ATP12A: variants seen among roughly 807,000 people sequenced by gnomAD.
ATP12A encodes potassium-transporting ATPase alpha chain 2.
A neutral mutation model predicts 111.2 loss-of-function variants in ATP12A; 81 were observed. That is an observed-to-expected ratio of 0.73 (90% CI 0.61 to 0.88). ATP12A has a LOEUF of 0.88. Ranked by LOEUF, ATP12A falls within the 40% of genes least tolerant of loss-of-function variation. The pLI is 0.00. For missense variants in ATP12A, 1,196 were observed against 1,313.1 expected (o/e 0.91, Z 1.38); for synonymous variants, 498 against 499.8 (o/e 1.00, Z 0.05).
chr13:24,690,638 C>G lies in ATP12A; in HGVS notation c.716C>G (p.Pro239Arg). Residue 239 changes from proline to arginine, a missense_variant, in exon 7 of 23, where the codon CCC (proline) becomes CGC (arginine). By Grantham distance (103) the Pro-to-Arg change is moderately radical. Coordinates refer to ENST00000381946, the MANE Select transcript of ATP12A (RefSeq NM_001676.7). The part of the protein sequence containing the change: ...DNSSLTGESE[P>R]QPRSSEFTHE... Reference sequence around the variant, plus strand: ...TCATCTCTCACGGGGGAGTCTGAGCCCCAGCCCCGCTCCTCTGAGTTTACC... The same window carrying G: ...TCATCTCTCACGGGGGAGTCTGAGCGCCAGCCCCGCTCCTCTGAGTTTACC... The G allele has an allele frequency of 6.2e-7, 1 of 1,613,494 alleles. No homozygotes were observed. The highest frequency in any genetic ancestry group is 1.3e-5 in the African/African-American group (1 of 74,946).
Position 24,681,688 on chromosome 13 carries a change from C to A in ATP12A, c.136C>A (p.His46Asn). ...NNCLELKKKNHKEEFQKELHL... is the reference protein window; with the variant it reads ...NNCLELKKKNNKEEFQKELHL... ...CTGCCTGGAACTCAAAAAGAAAAAT[C>A]ACAAAGAGGAGTTTCAGAAAGAACT... Residue 46 changes from histidine to asparagine, a missense_variant, in exon 2 of 23, where the codon CAC (histidine) becomes AAC (asparagine). By Grantham distance (68) the His-to-Asn change is moderately conservative. Coordinates refer to ENST00000381946, the MANE Select transcript of ATP12A (RefSeq NM_001676.7). 6.2e-7 allele frequency: 1 copy of A among 1,614,188 alleles called. No homozygotes were observed. The highest frequency in any genetic ancestry group is 8.5e-7 in the Non-Finnish European group (1 of 1,180,030).
intron 5 of ATP12A, 92 bp from the exon 6 acceptor site, chr13:24,690,246 G>T: frequency 6.5e-7 from 1 of 1,544,610 alleles, no homozygotes; most frequent in Non-Finnish European, 8.7e-7. Context: ...AAGTTCCAAG[G>T]CCTCTGTCCT....
intron 20 of ATP12A, 54 bp from the exon 21 acceptor site, chr13:24,710,738 A>G (rs890056568): frequency 6.2e-7 from 1 of 1,603,360 alleles, no homozygotes; most frequent in Non-Finnish European, 8.5e-7. Context: ...TGCTGGGTGT[A>G]TGATCATGAA....
chr13:24,688,176 G>A lies in ATP12A; in HGVS notation c.229-143G>A, dbSNP rs142146723. 395 of 837,592 alleles carry A rather than the reference G, an allele frequency of 4.7e-4. 1 individual carries two copies. The highest frequency in any genetic ancestry group is 5.9e-4 in the Non-Finnish European group (319 of 543,704). 51.9% of individuals were successfully genotyped at this position (837,592 alleles called of 1,614,324 possible). On this transcript the variant is annotated intron_variant, in intron 3 of 22. Coordinates refer to ENST00000381946, the MANE Select transcript of ATP12A (RefSeq NM_001676.7). ...CTGGGCAGCTGGAGAAGTGAGGCAC[G>A]GTCTGCTTTTCTCGGGACCTTCTTT...
Position 24,694,467 on chromosome 13 carries a change from A to C in ATP12A, c.1401A>C (p.Ser467=). The C allele has an allele frequency of 1.2e-6, 2 of 1,614,036 alleles. No homozygotes were observed. The highest frequency in any genetic ancestry group is 1.7e-6 in the Non-Finnish European group (2 of 1,179,978). The change falls in exon 11 of 23, where the codon TCA becomes TCC. Residue 467 remains serine (S), a synonymous_variant. Coordinates refer to ENST00000381946, the MANE Select transcript of ATP12A (RefSeq NM_001676.7). ...AGAAAGCTGTGATTGGAGATGCCTC[A>C]GAAACTGCTCTTTTAAAATTCTCAG... ...IMKKAVIGDA[S]ETALLKFSEV...
rs1875989096 is a variant in ATP12A at position 24,711,853 on chromosome 13, G to A, written c.*331G>A. 7.8e-6 allele frequency: 3 copies of A among 383,460 alleles called. No individual in the cohort carries two copies. Among genetic ancestry groups the A allele is most frequent in the Non-Finnish European group, 1.5e-5 (3 of 206,182 alleles). The allele number at this position is 383,460 out of a possible 1,614,324, so 23.8% of individuals were successfully genotyped here. A position where few individuals can be genotyped will look rare whatever the true frequency, so the allele number is the denominator to read the frequency against. Reference sequence around the variant, plus strand: ...CTTGTGTAACCCAGGCATCTACTGGGGCCTGCCTTAAGCTCTAGCTAGGAT... The same window carrying A: ...CTTGTGTAACCCAGGCATCTACTGGAGCCTGCCTTAAGCTCTAGCTAGGAT... On this transcript the variant is annotated 3_prime_UTR_variant, in exon 23 of 23. Transcript: ENST00000381946.
chr13:24,688,471 G>C lies in ATP12A; in HGVS notation c.381G>C (p.Trp127Cys). 2 of 1,613,578 alleles carry C rather than the reference G, an allele frequency of 1.2e-6. No individual in the cohort carries two copies. Among genetic ancestry groups the C allele is most frequent in the Non-Finnish European group, 1.7e-6 (2 of 1,179,762 alleles). ...ILLWVGAFLC[W>C]IAYGIQYSSD... ...TGTGGGTGGGCGCCTTTCTCTGTTG[G>C]ATTGCATATGGGATTCAGTACTCCA... Residue 127 changes from tryptophan (W) to cysteine (C), a missense_variant, in exon 4 of 23, where the codon TGG becomes TGC. Physicochemically the swap from Trp to Cys is radical, Grantham distance 215 (BLOSUM62 -2). This residue lies in a region of ATP12A where 1,126 missense variants were observed against 1,228.5 expected (regional missense o/e 0.92). Transcript: ENST00000381946.
In ATP12A at chr13:24,712,368, C is replaced by G. The variant is rs1876009842; in HGVS notation, c.*846C>G. ...GTGCTCTCCAGCAATAACGTTTTGTCAGTCATGTTTCATGTTTTAACTTAG... is the reference window on the plus strand; with the variant it reads ...GTGCTCTCCAGCAATAACGTTTTGTGAGTCATGTTTCATGTTTTAACTTAG... On this transcript the variant is annotated 3_prime_UTR_variant, in exon 23 of 23. Transcript: ENST00000381946. The G allele has an allele frequency of 6.6e-6, 1 of 152,162 alleles. No homozygotes were observed. Among genetic ancestry groups the G allele is most frequent in the South Asian group, 2.1e-4 (1 of 4,828 alleles). 9.4% of individuals were successfully genotyped at this position (152,162 alleles called of 1,614,324 possible). A position where few individuals can be genotyped will look rare whatever the true frequency, so the allele number is the denominator to read the frequency against.
chr13:24,700,307 C>T (rs1053071644), intron 12 of ATP12A, among the ~76,000 whole-genome samples: 3 of 152,156 alleles, frequency 2.0e-5, no homozygotes, highest in Non-Finnish European at 4.4e-5. Context: ...CCCACCTCCA[C>T]CCTCCCTTTT....
chr13:24,709,480 G>A lies in ATP12A; in HGVS notation c.2610G>A (p.Leu870=), dbSNP rs1265487856. ...VNQPLAVYSY[L]HIGLMQALGA... ...AGCCGCTCGCTGTGTACTCATACCT[G>A]CACATTGGTACGATGAGGGCGCGTC... Residue 870 remains leucine (L), a synonymous_variant, in exon 18 of 23, where the codon CTG becomes CTA. Coordinates refer to ENST00000381946, the MANE Select transcript of ATP12A (RefSeq NM_001676.7). The A allele has an allele frequency of 5.6e-6, 9 of 1,613,880 alleles. No homozygotes were observed. The highest frequency in any genetic ancestry group is 1.7e-5 in the Admixed American group (1 of 60,010).
intron 14 of ATP12A, among the ~76,000 whole-genome samples, chr13:24,705,231 T>C (rs1023610629): frequency 6.6e-6 from 1 of 152,190 alleles, no homozygotes; most frequent in Non-Finnish European, 1.5e-5. Flanking sequence ...GAGATGCCCA[T>C]TCCTGGTCAG....
intron 15 of ATP12A, among the ~76,000 whole-genome samples, 176 bp from the exon 16 acceptor site, chr13:24,706,847 C>A (rs558002352): frequency 6.6e-6 from 1 of 152,294 alleles, no homozygotes; most frequent in East Asian, 1.9e-4. Context: ...TGTTTGGAGA[C>A]CCTTGTTCCT....
intron 2 of ATP12A, 35 bp downstream of exon 2, chr13:24,681,755 A>G: frequency 6.2e-7 from 1 of 1,612,864 alleles, no homozygotes; most frequent in South Asian, 1.1e-5. Flanking sequence ...CCTGCCGGCT[A>G]TGGCCCTTCC....
At chr13:24,684,571 G>A (rs1874600451) in intron 2 of ATP12A, among the ~76,000 whole-genome samples, 1 of 151,988 alleles carries the variant, frequency 6.6e-6, no homozygotes, top group African/African-American at 2.4e-5. Context: ...GAGGAGAAGA[G>A]GATTCCCCCA....
In ATP12A at chr13:24,685,256, G is replaced by A; in HGVS notation, c.169-58G>A. ...AGCTTCCATGGCTGGTCAAAGCTTG[G>A]GGCTTGAGTCTTTTGGAATTATCTA... On this transcript the variant is annotated intron_variant, in intron 2 of 22. Coordinates refer to ENST00000381946, the MANE Select transcript of ATP12A (RefSeq NM_001676.7). This position sits in a 1 kb window ranked among gnomAD's most constrained non-coding sequence, Gnocchi z 5.5. 1 of 1,547,536 alleles carries A rather than the reference G, an allele frequency of 6.5e-7. No homozygotes were observed. Among genetic ancestry groups the A allele is most frequent in the South Asian group, 1.1e-5 (1 of 89,656 alleles).
At position 24,680,677 on chromosome 13, in the gene ATP12A, T is replaced by C; in HGVS notation, c.-67T>C. The stretch of plus-strand genomic sequence containing the variant: ...CACAGCCACACGAGGCCCCCCACCG[T>C]GCGCTCCGCCGCTGCGGTCCCGGAT... On this transcript the variant is annotated 5_prime_UTR_variant, in exon 1 of 23. Transcript: ENST00000381946. The C allele has an allele frequency of 2.0e-6, 3 of 1,493,356 alleles. No homozygotes were observed. Among genetic ancestry groups the C allele is most frequent in the South Asian group, 1.2e-5 (1 of 80,870 alleles). The allele number at this position is 1,493,356 out of a possible 1,614,324, so 92.5% of individuals were successfully genotyped here.
At position 24,685,470 on chromosome 13, in the gene ATP12A, C is replaced by T. The variant is rs1372233582; in HGVS notation, c.228+97C>T. 1.5e-6 allele frequency: 2 copies of T among 1,310,252 alleles called. No homozygotes were observed. Among genetic ancestry groups the T allele is most frequent in the East Asian group, 2.3e-5 (1 of 43,482 alleles). The allele number at this position is 1,310,252 out of a possible 1,614,324, so 81.2% of individuals were successfully genotyped here. On this transcript the variant is annotated intron_variant, in intron 3 of 22. Coordinates refer to ENST00000381946, the MANE Select transcript of ATP12A (RefSeq NM_001676.7). The surrounding 1 kb of genome is among the most constrained non-coding windows in gnomAD (Gnocchi z 5.5). ...GGGGCTGTGTGGAAGAGTAGCGGCA[C>T]CTTTAGGAGGAGGGGCCCCTGCAGC...
At chr13:24,710,369 A>G (rs576666968) in intron 19 of ATP12A, 91 bp from the exon 20 acceptor site, 1 of 1,508,320 alleles carries the variant, frequency 6.6e-7, no homozygotes, top group African/African-American at 1.4e-5. Flanking sequence ...TGAGGTGTGG[A>G]AAGAACATGA....
chr13:24,701,983 A>G lies in ATP12A; in HGVS notation c.1930A>G (p.Lys644Glu). 1 of 1,614,218 alleles carries G rather than the reference A, an allele frequency of 6.2e-7. No homozygotes were observed. The highest frequency in any genetic ancestry group is 2.2e-5 in the East Asian group (1 of 44,884). Residue 644 changes from lysine to glutamate, a missense_variant, in exon 14 of 23, where the codon AAG becomes GAG. By Grantham distance (56) the Lys-to-Glu change is moderately conservative (BLOSUM62 1). This residue lies in a region of ATP12A where 1,126 missense variants were observed against 1,228.5 expected (regional missense o/e 0.92). Coordinates refer to ENST00000381946, the MANE Select transcript of ATP12A (RefSeq NM_001676.7). ...DHPITAKAIA[K>E]SVGIISANSE... ...TCCCATCACAGCCAAAGCTATTGCC[A>G]AGAGTGTGGGGATCATTTCAGCCAA... is the stretch of plus-strand genomic sequence containing the variant.
Sources: allele counts gnomAD v4.1 joint callset (sites outside exome capture counted in the v4.1 genomes callset), GRCh38; gene constraint gnomAD v4.1.1; regional missense constraint gnomAD v4.1.1; non-coding constraint Gnocchi (gnomAD v3.1); transcripts MANE v1.5; gene names NCBI Gene and HGNC (gene_info 2026-07-23, HGNC 2026-07-21).